API5: variants seen among roughly 807,000 people sequenced by gnomAD.
The protein encoded by API5 is FIF.
A neutral mutation model predicts 71.9 loss-of-function variants in API5; 6 were observed. The ratio of observed to expected loss-of-function variants is 0.08; its 90% CI spans 0.05 to 0.16. The LOEUF (loss-of-function observed/expected upper bound fraction) is 0.16. Among genes scored for constraint, API5 ranks in the 10% least tolerant of loss-of-function variants. API5 has a pLI of 1.00. For missense variants in API5, 332 were observed against 612.8 expected (o/e 0.54, Z 4.84); for synonymous variants, 189 against 221.3 (o/e 0.85, Z 1.30).
Position 43,323,942 on chromosome 11 carries a change from T to C in API5, c.750+306T>C, listed in dbSNP as rs1425219587. ...AGATTTGGGATTTTCAGATGAGGGA[T>C]GCTTGGTCTGTGTTTATGAAGGCCA... On this transcript the variant is annotated intron_variant, in intron 6 of 13. Coordinates refer to ENST00000531273, the MANE Select transcript of API5 (RefSeq NM_001142930.2). Among the ~76,000 whole-genome samples, 2 of 152,240 alleles carry C rather than the reference T, an allele frequency of 1.3e-5. 1 individual carries two copies. Among genetic ancestry groups the C allele is most frequent in the Middle Eastern group, 6.3e-3 (2 of 316 alleles).
chr11:43,340,798 G>A (rs924980865), intron 13 of API5, among the ~76,000 whole-genome samples: 2 of 151,994 alleles, frequency 1.3e-5, no homozygotes, highest in Non-Finnish European at 2.9e-5. Context: ...AACTCAAAAT[G>A]GATGAAAGAC....
chr11:43,313,995 A>G (rs954748971), intron 1 of API5, among the ~76,000 whole-genome samples: 3 of 152,142 alleles, frequency 2.0e-5, no homozygotes, highest in African/African-American at 4.8e-5. Flanking sequence ...AGGCTGAGGC[A>G]GGACAATTGC....
chr11:43,339,380 A>G (rs985630963), intron 13 of API5: 44 of 152,334 alleles, frequency 2.9e-4, no homozygotes, highest in African/African-American at 1.0e-3. Context: ...AGCTCTCTCT[A>G]TTGTTGCTAA....
rs183520498 is a variant in API5, at chr11:43,342,800, G to T, written c.*290G>T. 1,460 of 598,410 alleles carry T rather than the reference G, an allele frequency of 2.4e-3. 12 individuals are homozygous for T. The highest frequency in any genetic ancestry group is 0.021 in the African/African-American group (1,108 of 54,034). 37.1% of individuals were successfully genotyped at this position (598,410 alleles called of 1,614,324 possible). A position where few individuals can be genotyped will look rare whatever the true frequency, so the allele number is the denominator to read the frequency against. On this transcript the variant is annotated 3_prime_UTR_variant, in exon 14 of 14. Transcript: ENST00000531273. ...CTTTTAAACATCTTGATAATTTGTT[G>T]TTGAGAGCTGTTCATTCTAAAATGT...
chr11:43,331,563 T>G (rs1358516758), intron 11 of API5, among the ~76,000 whole-genome samples: 1 of 152,092 alleles, frequency 6.6e-6, no homozygotes, highest in Admixed American at 6.6e-5. Flanking sequence ...TGTCTTCACA[T>G]TTAGTAGGTG....
chr11:43,325,270 G>T (rs966527760), intron 6 of API5, among the ~76,000 whole-genome samples: 1 of 152,196 alleles, frequency 6.6e-6, no homozygotes, highest in East Asian at 1.9e-4. Context: ...TAAAGTTGAA[G>T]CAAGAACAAA....
intron 12 of API5, among the ~76,000 whole-genome samples, 179 bp from the exon 13 acceptor site, chr11:43,335,679 A>G (rs1855409733): frequency 6.6e-6 from 1 of 152,206 alleles, no homozygotes; most frequent in African/African-American, 2.4e-5. Flanking sequence ...ATGCCTTCTG[A>G]CATTGTCTGC....
At chr11:43,328,612 G>T in intron 8 of API5, 100 bp from the exon 9 acceptor site, 1 of 1,074,388 alleles carries the variant, frequency 9.3e-7, no homozygotes, top group Non-Finnish European at 1.3e-6. Flanking sequence ...AGTTTTTAAT[G>T]CTCCATGCCT....
intron 1 of API5, among the ~76,000 whole-genome samples, chr11:43,312,597 T>C (rs370285169): frequency 6.6e-6 from 1 of 151,996 alleles, no homozygotes; most frequent in African/African-American, 2.4e-5. Flanking sequence ...GTGTTTTTTT[T>C]GGGGGGGAGG....
Position 43,330,300 on chromosome 11 carries a change from C to G in API5, c.1222-208C>G, listed in dbSNP as rs184933552. On this transcript the variant is annotated intron_variant, in intron 10 of 13. Transcript: ENST00000531273. Reference sequence around the variant, plus strand: ...TACATTCTAACCTGTCAAGGGAACACAGATTATTTGCTTTCTTTGCTACAT... The same window carrying G: ...TACATTCTAACCTGTCAAGGGAACAGAGATTATTTGCTTTCTTTGCTACAT... The G allele has an allele frequency of 1.0e-3, 632 of 621,234 alleles. 3 individuals carry two copies. Among genetic ancestry groups the G allele is most frequent in the Non-Finnish European group, 1.5e-3 (531 of 355,498 alleles). 38.5% of individuals were successfully genotyped at this position (621,234 alleles called of 1,614,324 possible). A position where few individuals can be genotyped will look rare whatever the true frequency, so the allele number is the denominator to read the frequency against.
At chr11:43,334,317 T>A (rs1027193859) in intron 11 of API5, among the ~76,000 whole-genome samples, 3 of 152,146 alleles carry the variant, frequency 2.0e-5, no homozygotes, top group African/African-American at 7.2e-5. Context: ...ATTTAACATG[T>A]TTATAATTGA....
At chr11:43,321,560 G>A in intron 4 of API5, 84 bp downstream of exon 4, 1 of 1,113,370 alleles carries the variant, frequency 9.0e-7, no homozygotes, top group Non-Finnish European at 1.3e-6. Flanking sequence ...ATAAACTCTA[G>A]GGTTTACCCA....
Position 43,321,992 on chromosome 11 carries a change from A to G in API5, c.399A>G (p.Leu133=). Residue 133 remains leucine, a synonymous_variant, in exon 5 of 14, where the codon TTA becomes TTG. Transcript: ENST00000531273. The part of the protein sequence containing the change: ...SIFKMDAKGT[L]GGLFSQILQG... ...AACTATTTTGTTTTGCAGGGACTTT[A>G]GGTGGGTTGTTCAGCCAAATACTTC... 1 of 1,611,122 alleles carries G rather than the reference A, an allele frequency of 6.2e-7. No homozygotes were observed.
chr11:43,334,205 C>CT (rs1190400985), intron 11 of API5, among the ~76,000 whole-genome samples: 3 of 152,112 alleles, frequency 2.0e-5, no homozygotes, highest in African/African-American at 7.2e-5. Context: ...CTTGACATTT[C>CT]TTGCAATCTT....
At chr11:43,321,173 C>T (rs978981797) in intron 3 of API5, among the ~76,000 whole-genome samples, 1 of 151,980 alleles carries the variant, frequency 6.6e-6, no homozygotes, top group African/African-American at 2.4e-5. Flanking sequence ...CATAATTTTT[C>T]CCCCAATTTC....
intron 13 of API5, among the ~76,000 whole-genome samples, chr11:43,341,517 A>C (rs995281404): frequency 6.7e-6 from 1 of 150,248 alleles, no homozygotes; most frequent in Admixed American, 6.6e-5. Context: ...GTTCTCACTC[A>C]TGTGGAAGTT....
chr11:43,313,526 G>GTA (rs1456212020), intron 1 of API5, among the ~76,000 whole-genome samples: 7 of 151,986 alleles, frequency 4.6e-5, no homozygotes, highest in Non-Finnish European at 1.0e-4. Flanking sequence ...AGTCGTGGGA[G>GTA]TACCTTTCCC....
At chr11:43,330,683 C>G in intron 11 of API5, 119 bp downstream of exon 11, 3 of 779,550 alleles carry the variant, frequency 3.8e-6, no homozygotes, top group South Asian at 3.4e-5. Context: ...TCTTCTGGCT[C>G]AAAGCATTGA....
intron 6 of API5, among the ~76,000 whole-genome samples, chr11:43,324,429 A>G (rs1436951646): frequency 6.6e-6 from 1 of 152,092 alleles, no homozygotes; most frequent in Admixed American, 6.5e-5. Context: ...GGATGTGCAT[A>G]CATTCATTTG....
Sources: allele counts gnomAD v4.1 joint callset (sites outside exome capture counted in the v4.1 genomes callset), GRCh38; gene constraint gnomAD v4.1.1; transcripts MANE v1.5; gene names NCBI Gene and HGNC (gene_info 2026-07-23, HGNC 2026-07-21).